MBTPS1: variants seen among roughly 807,000 people sequenced by gnomAD.
The protein encoded by MBTPS1 is membrane bound transcription factor peptidase, site 1, also known as membrane-bound transcription factor site-1 protease.
A neutral mutation model predicts 127.8 loss-of-function variants in MBTPS1; 94 were observed. The observed-to-expected ratio is 0.74, with a 90% CI of 0.62 to 0.87. The LOEUF is 0.87. MBTPS1 is among the 40% of genes least tolerant of loss of function. The pLI is 0.00. For missense variants in MBTPS1, 1,636 were observed against 1,353.2 expected (o/e 1.21, Z -3.28); for synonymous variants, 632 against 509.4 (o/e 1.24, Z -3.24).
At chr16:84,088,792 C>A (rs529159341) in intron 8 of MBTPS1, among the ~76,000 whole-genome samples, 10 of 152,176 alleles carry the variant, frequency 6.6e-5, no homozygotes, top group Non-Finnish European at 1.0e-4. Flanking sequence ...GCCCTGGAAG[C>A]AGTCCCACCA....
intron 21 of MBTPS1, chr16:84,058,088 T>A (rs2085546629): frequency 6.6e-6 from 1 of 152,220 alleles, no homozygotes; most frequent in Non-Finnish European, 1.5e-5. Context: ...AATGTTTAAA[T>A]GATGAGATGT....
intron 11 of MBTPS1, among the ~76,000 whole-genome samples, chr16:84,077,523 A>C (rs1393455074): frequency 6.6e-6 from 1 of 152,226 alleles, no homozygotes; most frequent in Non-Finnish European, 1.5e-5. Context: ...CAAGAGCTTT[A>C]ACAAATGGGT....
chr16:84,110,246 A>T (rs1386407078), intron 1 of MBTPS1, among the ~76,000 whole-genome samples: 1 of 152,246 alleles, frequency 6.6e-6, no homozygotes, highest in East Asian at 1.9e-4. Flanking sequence ...GAGCTAGTTA[A>T]AGGGAAACTA....
rs1486515850 is a variant in MBTPS1, at chr16:84,097,872, T to TGTG, written c.421+1180_421+1181insCAC. On this transcript the variant is annotated intron_variant, in intron 3 of 22. Transcript: ENST00000343411. ...TGTGTGTGTGTGTGTGTGTGTGTGTTTGTGTGTGTGTTTAATGCAGCAAAA... is the reference window on the plus strand; with the variant it reads ...TGTGTGTGTGTGTGTGTGTGTGTGTTGTGTGTGTGTGTGTTTAATGCAGCAAAA... Among the ~76,000 whole-genome samples, 626 of 92,160 alleles carry TGTG rather than the reference T, an allele frequency of 6.8e-3. 2 individuals are homozygous for TGTG. Among genetic ancestry groups the TGTG allele is most frequent in the African/African-American group, 0.019 (494 of 26,302 alleles). 60.5% of individuals were successfully genotyped at this position (92,160 alleles called of 152,430 possible).
At chr16:84,116,421 A>C (rs963103929) in intron 1 of MBTPS1, among the ~76,000 whole-genome samples, 3 of 152,194 alleles carry the variant, frequency 2.0e-5, no homozygotes, top group Non-Finnish European at 2.9e-5. Flanking sequence ...CCGGAAGCGC[A>C]CCTAGAATTG....
chr16:84,087,126 C>T (rs571919327), intron 9 of MBTPS1, among the ~76,000 whole-genome samples: 2 of 152,230 alleles, frequency 1.3e-5, no homozygotes, highest in Admixed American at 6.5e-5. Context: ...TAGAATCAGC[C>T]GGTGCTCATC....
At chr16:84,103,906 A>C (rs1278010420) in intron 1 of MBTPS1, among the ~76,000 whole-genome samples, 1 of 152,228 alleles carries the variant, frequency 6.6e-6, no homozygotes, top group Non-Finnish European at 1.5e-5. Flanking sequence ...CTCGACAAGA[A>C]CAACAATAAC....
intron 19 of MBTPS1, 73 bp downstream of exon 19, chr16:84,063,232 G>C: frequency 6.6e-7 from 1 of 1,514,736 alleles, no homozygotes; most frequent in Admixed American, 1.8e-5. Flanking sequence ...CATCTCACGG[G>C]CGCCTTTCCA....
intron 20 of MBTPS1, chr16:84,059,653 C>A (rs1325017775): frequency 2.4e-6 from 1 of 421,992 alleles, no homozygotes; most frequent in Non-Finnish European, 4.4e-6. Context: ...AAATCAGAAC[C>A]GTTCCCTTGA....
chr16:84,089,663 C>A (rs988587146), intron 8 of MBTPS1, among the ~76,000 whole-genome samples: 2 of 152,216 alleles, frequency 1.3e-5, no homozygotes, highest in Non-Finnish European at 2.9e-5. Flanking sequence ...GGTGAGGGAG[C>A]TGAGGCTCAG....
chr16:84,091,682 G>A (rs200453197), intron 7 of MBTPS1, 50 bp downstream of exon 7: 160 of 1,311,582 alleles, frequency 1.2e-4, no homozygotes, highest in East Asian at 8.1e-4. Context: ...GTTGGGCTGC[G>A]AAAGAGCAGG....
intron 1 of MBTPS1, among the ~76,000 whole-genome samples, chr16:84,115,929 C>T (rs1227546659): frequency 6.0e-5 from 7 of 117,624 alleles, no homozygotes; most frequent in Non-Finnish European, 1.7e-5. Context: ...ATAATAAAAG[C>T]GGATTCTCCA....
chr16:84,058,615 A>T (rs1290785298), intron 21 of MBTPS1, among the ~76,000 whole-genome samples: 3 of 152,192 alleles, frequency 2.0e-5, no homozygotes, highest in African/African-American at 4.8e-5. Flanking sequence ...CAGAAAAAGT[A>T]AGGGGGTGGC....
rs768542315 is a variant in MBTPS1 at position 84,056,087 on chromosome 16, C to T, written c.2880G>A (p.Val960=). The T allele has an allele frequency of 1.9e-6, 3 of 1,614,060 alleles. No homozygotes were observed. Among genetic ancestry groups the T allele is most frequent in the Admixed American group, 1.7e-5 (1 of 60,028 alleles). Residue 960 remains valine, a synonymous_variant, in exon 22 of 23, where the codon GTG becomes GTA. Transcript: ENST00000343411. ...QKLLSIDLDK[V]VLPNFRSNRP... ...GATTCGATCGAAAGTTGGGTAACACCACCTTGTCCAGGTCAATGGAGAGTA... is the reference window on the plus strand; with the variant it reads ...GATTCGATCGAAAGTTGGGTAACACTACCTTGTCCAGGTCAATGGAGAGTA...
chr16:84,101,609 C>A lies in MBTPS1; in HGVS notation c.163+12G>T. Reference sequence around the variant, plus strand: ...GGATGGGAGTTCCTAATACTTAAGACAACATCATTACCATATTCCACAACT... The same window carrying A: ...GGATGGGAGTTCCTAATACTTAAGAAAACATCATTACCATATTCCACAACT... On this transcript the variant is annotated intron_variant, in intron 2 of 22. Coordinates refer to ENST00000343411, the MANE Select transcript of MBTPS1 (RefSeq NM_003791.4). The A allele has an allele frequency of 6.2e-7, 1 of 1,600,292 alleles. No homozygotes were observed. Among genetic ancestry groups the A allele is most frequent in the Non-Finnish European group, 8.5e-7 (1 of 1,171,590 alleles).
intron 11 of MBTPS1, 37 bp from the exon 12 acceptor site, chr16:84,074,778 G>C: frequency 6.3e-7 from 1 of 1,579,114 alleles, no homozygotes; most frequent in East Asian, 2.2e-5. Flanking sequence ...TAGATCATAT[G>C]AGAAAACTAC....
rs1436526145 is a variant in MBTPS1, at chr16:84,067,700, A to T, written c.2195T>A (p.Met732Lys). ...IFSDWYNTSV[M>K]RKVKFYDENT... is the part of the protein sequence containing the mutation. ...TTCATCATAAAACTTCACTTTTCTCATAACAGAAGTGTTGTACCAGTCACT... is the reference window on the plus strand; with the variant it reads ...TTCATCATAAAACTTCACTTTTCTCTTAACAGAAGTGTTGTACCAGTCACT... The change falls in exon 16 of 23, where the codon ATG (methionine) becomes AAG (lysine). Residue 732 changes from methionine to lysine, a missense_variant. Coordinates refer to ENST00000343411, the MANE Select transcript of MBTPS1 (RefSeq NM_003791.4). The T allele has an allele frequency of 6.2e-7, 1 of 1,613,264 alleles. No homozygotes were observed. Among genetic ancestry groups the T allele is most frequent in the Admixed American group, 1.7e-5 (1 of 60,006 alleles).
chr16:84,114,368 T>C (rs990673411), intron 1 of MBTPS1, among the ~76,000 whole-genome samples: 1 of 152,178 alleles, frequency 6.6e-6, no homozygotes, highest in Non-Finnish European at 1.5e-5. Context: ...TTCATCCCAA[T>C]GTATCACTAC....
At chr16:84,102,132 C>G in intron 1 of MBTPS1, 25 bp from the exon 2 acceptor site, 1 of 178,558 alleles carries the variant, frequency 5.6e-6, no homozygotes, top group Non-Finnish European at 1.2e-5. Flanking sequence ...ACAGTGCACA[C>G]AGACATTAGT....
Sources: allele counts gnomAD v4.1 joint callset (sites outside exome capture counted in the v4.1 genomes callset), GRCh38; gene constraint gnomAD v4.1.1; transcripts MANE v1.5; gene names NCBI Gene and HGNC (gene_info 2026-07-23, HGNC 2026-07-21).